The following CNOT6L variants were observed in gnomAD, a reference collection of about 807,000 sequenced individuals.
The protein encoded by CNOT6L is CCR4-NOT transcription complex subunit 6 like.
A neutral mutation model predicts 64.0 loss-of-function variants in CNOT6L; 7 were observed. The observed-to-expected ratio is 0.11, with a 90% CI of 0.06 to 0.21. CNOT6L has a LOEUF of 0.21. Ranked by LOEUF, CNOT6L falls within the 10% of genes least tolerant of loss-of-function variation. The probability of loss-of-function intolerance (pLI) is 1.00; values close to 1 mark genes in which losing one functional copy is unlikely to be tolerated. For synonymous variants in CNOT6L, 193 were observed against 243.4 expected (o/e 0.79, Z 1.93); for missense variants, 245 against 669.0 (o/e 0.37, Z 6.99).
chr4:77,791,985 C>T (rs962533566), intron 1 of CNOT6L, among the ~76,000 whole-genome samples: 1 of 152,076 alleles, frequency 6.6e-6, no homozygotes, highest in African/African-American at 2.4e-5. Flanking sequence ...TACTCATCAG[C>T]TGTTCAATAA....
At chr4:77,749,921 G>A (rs1724663844) in intron 5 of CNOT6L, among the ~76,000 whole-genome samples, 2 of 152,028 alleles carry the variant, frequency 1.3e-5, no homozygotes, top group African/African-American at 4.8e-5. Flanking sequence ...CTTTAAGCAG[G>A]ATTCAAAAAG....
At chr4:77,799,704 CAAAAAAA>C (rs71214370) in intron 1 of CNOT6L, among the ~76,000 whole-genome samples, 2 of 90,934 alleles carry the variant, frequency 2.2e-5, no homozygotes, top group African/African-American at 4.4e-5. Context: ...AACTCCATCT[CAAAAAAA>C]AAAAAAAAAA....
intron 3 of CNOT6L, 57 bp from the exon 4 acceptor site, chr4:77,773,223 T>C (rs1029704757): frequency 1.0e-5 from 11 of 1,097,026 alleles, no homozygotes; most frequent in Non-Finnish European, 1.3e-5. Context: ...TTAACATCTG[T>C]ATTTGCCATT....
At chr4:77,745,877 T>C (rs1288492105) in intron 6 of CNOT6L, among the ~76,000 whole-genome samples, 3 of 152,214 alleles carry the variant, frequency 2.0e-5, no homozygotes, top group Non-Finnish European at 4.4e-5. Context: ...TGATTGAAGT[T>C]GGTTCTGTTT....
intron 1 of CNOT6L, among the ~76,000 whole-genome samples, chr4:77,800,537 G>A (rs970036357): frequency 6.6e-6 from 1 of 151,868 alleles, no homozygotes; most frequent in African/African-American, 2.4e-5. Context: ...AAAAAATAAA[G>A]TCTTGTATAC....
intron 4 of CNOT6L, among the ~76,000 whole-genome samples, chr4:77,769,141 T>C (rs1292560487): frequency 6.6e-6 from 1 of 152,130 alleles, no homozygotes; most frequent in Non-Finnish European, 1.5e-5. Flanking sequence ...CATAAAAACA[T>C]AAGGCTGAAT....
At chr4:77,774,259 T>C (rs528101447) in intron 3 of CNOT6L, among the ~76,000 whole-genome samples, 1 of 152,326 alleles carries the variant, frequency 6.6e-6, no homozygotes, top group South Asian at 2.1e-4. Context: ...ATCAGTCTTA[T>C]CATATTGGAT....
intron 1 of CNOT6L, 185 bp downstream of exon 1, chr4:77,819,119 G>A (rs1048886621): frequency 2.1e-5 from 22 of 1,036,414 alleles, no homozygotes; most frequent in Admixed American, 1.1e-4. Context: ...GGTCAGCCCC[G>A]CCGCCCCCTC....
chr4:77,807,276 C>CAAAAAAAAAAAAAAAAAAA lies in CNOT6L; in HGVS notation c.5+12027_5+12028insTTTTTTTTTTTTTTTTTTT, dbSNP rs58452605. ...ATGGCGACAGAGTGAGACTCCATCT[C>CAAAAAAAAAAAAAAAAAAA]AAAAAAAAAAAAAAAAATCCTACAA... On this transcript the variant is annotated intron_variant, in intron 1 of 11. Coordinates refer to ENST00000504123, the MANE Select transcript of CNOT6L (RefSeq NM_144571.3). Among the ~76,000 whole-genome samples the CAAAAAAAAAAAAAAAAAAA allele has an allele frequency of 4.1e-4, 44 of 108,182 alleles. 1 individual carries two copies. Among genetic ancestry groups the CAAAAAAAAAAAAAAAAAAA allele is most frequent in the African/African-American group, 2.0e-3 (44 of 22,440 alleles). The allele number at this position is 108,182 out of a possible 152,430, so 71.0% of individuals were successfully genotyped here.
chr4:77,774,085 T>G (rs1215772186), intron 3 of CNOT6L, among the ~76,000 whole-genome samples: 1 of 152,204 alleles, frequency 6.6e-6, no homozygotes, highest in African/African-American at 2.4e-5. Flanking sequence ...TTTAGGGAAT[T>G]TTTAAAGAAT....
chr4:77,740,712 A>G (rs1723482229), intron 8 of CNOT6L, among the ~76,000 whole-genome samples: 1 of 152,208 alleles, frequency 6.6e-6, no homozygotes, highest in South Asian at 2.1e-4. Flanking sequence ...ATATAACAAG[A>G]TTTCAGTCAA....
intron 1 of CNOT6L, among the ~76,000 whole-genome samples, chr4:77,784,865 T>C (rs1389020469): frequency 6.6e-6 from 1 of 152,222 alleles, no homozygotes; most frequent in African/African-American, 2.4e-5. Context: ...GGGTATCAAC[T>C]TCCTTTTCAT....
At chr4:77,749,686 G>A (rs1225006794) in intron 5 of CNOT6L, among the ~76,000 whole-genome samples, 1 of 152,030 alleles carries the variant, frequency 6.6e-6, no homozygotes, top group East Asian at 1.9e-4. Flanking sequence ...CTACTAACCA[G>A]CAAAATTAAA....
intron 8 of CNOT6L, among the ~76,000 whole-genome samples, chr4:77,732,080 G>A (rs1722501012): frequency 6.6e-6 from 1 of 152,038 alleles, no homozygotes; most frequent in East Asian, 1.9e-4. Context: ...AAATACAGGG[G>A]CACACCTTTA....
intron 1 of CNOT6L, among the ~76,000 whole-genome samples, chr4:77,799,983 G>A (rs1269520866): frequency 6.6e-6 from 1 of 151,550 alleles, no homozygotes; most frequent in Admixed American, 6.6e-5. Flanking sequence ...GCAAATCCAA[G>A]AATTGAGTAT....
chr4:77,756,617 T>TA (rs1328622475), intron 5 of CNOT6L, among the ~76,000 whole-genome samples: 3 of 152,230 alleles, frequency 2.0e-5, no homozygotes, highest in Admixed American at 2.0e-4. Flanking sequence ...AACTGTGAGT[T>TA]AAAGTTCCTA....
At chr4:77,785,405 A>T (rs1279019264) in intron 1 of CNOT6L, among the ~76,000 whole-genome samples, 1 of 152,176 alleles carries the variant, frequency 6.6e-6, no homozygotes, top group African/African-American at 2.4e-5. Flanking sequence ...TGATCCATAA[A>T]AGAAAAAACA....
At chr4:77,731,716 G>T in intron 8 of CNOT6L, 178 bp from the exon 9 acceptor site, 1 of 479,654 alleles carries the variant, frequency 2.1e-6, no homozygotes, top group Non-Finnish European at 3.6e-6. Context: ...TTTCTCAGAG[G>T]CCCCACCTAA....
At chr4:77,720,722 A>C in intron 11 of CNOT6L, 79 bp from the exon 12 acceptor site, 1 of 1,398,698 alleles carries the variant, frequency 7.1e-7, no homozygotes. Context: ...AAAAACCAAA[A>C]AACTGACTAC....
Sources: gnomAD v4.1 joint callset for allele counts (sites outside exome capture counted in the v4.1 genomes callset) on GRCh38, gnomAD v4.1.1 for gene constraint, MANE v1.5 for transcripts, NCBI Gene and HGNC (gene_info 2026-07-23, HGNC 2026-07-21) for gene names.